NINL: variants seen among roughly 807,000 people sequenced by gnomAD.
NINL encodes the protein ninein like.
NINL carries 153 observed loss-of-function variants against 160.3 expected under a neutral mutation model. The ratio of observed to expected loss-of-function variants is 0.95; its 90% CI spans 0.84 to 1.09. NINL has a LOEUF of 1.09. Among genes scored for constraint, NINL ranks in the 50% least tolerant of loss-of-function variants. The pLI is 0.00. For missense variants in NINL, 1,829 were observed against 1,764.0 expected, an observed-to-expected ratio of 1.04 and a Z score of -0.66; for synonymous variants, 800 against 734.8, an observed-to-expected ratio of 1.09 and a Z score of -1.43.
Position 25,470,130 on chromosome 20 carries a change from TG to T in NINL, c.3249-36del, listed in dbSNP as rs777241831. 38 of 1,563,186 alleles carry T rather than the reference TG, an allele frequency of 2.4e-5. No individual in the cohort carries two copies. In the African/African-American group the frequency reaches 3.5e-4, roughly 14 times the overall value. ...AATTGAGAAAAGACCGGTGAGCACTTGGGGAGCCACATGTGGTCACGGAGGC... is the reference window on the plus strand; with the variant it reads ...AATTGAGAAAAGACCGGTGAGCACTTGGGAGCCACATGTGGTCACGGAGGC... On this transcript the variant is annotated intron_variant, in intron 17 of 23. Coordinates refer to ENST00000278886, the MANE Select transcript of NINL (RefSeq NM_025176.6).
chr20:25,502,785 G>A (rs1754474660), intron 7 of NINL, among the ~76,000 whole-genome samples: 1 of 152,082 alleles, frequency 6.6e-6, no homozygotes, highest in South Asian at 2.1e-4. Context: ...TGACCTGCCT[G>A]CACCCCTTCA....
chr20:25,556,638 TA>T (rs11478563), intron 1 of NINL, among the ~76,000 whole-genome samples: 63,798 of 151,430 alleles, frequency 0.42, 14,223 homozygotes, highest in East Asian at 0.91. Flanking sequence ...ATAAATTAAT[TA>T]GTAATTAAAT....
chr20:25,502,627 G>A (rs1341510749), intron 7 of NINL, among the ~76,000 whole-genome samples: 1 of 152,170 alleles, frequency 6.6e-6, no homozygotes, highest in Admixed American at 6.5e-5. Flanking sequence ...GGAGGTGACT[G>A]GATCTTGGAG....
Position 25,453,071 on chromosome 20 carries a change from C to T in NINL, c.*380G>A, listed in dbSNP as rs2090572120. Reference sequence around the variant, plus strand: ...GTGAAATGGCAAAACTGTACAGAGCCCTGACTTTACATTTCACTCTGACAG... The same window carrying T: ...GTGAAATGGCAAAACTGTACAGAGCTCTGACTTTACATTTCACTCTGACAG... On this transcript the variant is annotated 3_prime_UTR_variant, in exon 24 of 24. Transcript: ENST00000278886. The T allele has an allele frequency of 6.1e-6, 1 of 164,368 alleles. No homozygotes were observed. The highest frequency in any genetic ancestry group is 6.3e-5 in the Admixed American group (1 of 15,826). The allele number at this position is 164,368 out of a possible 1,614,324, so 10.2% of individuals were successfully genotyped here.
chr20:25,502,984 T>C (rs898585182), intron 7 of NINL, among the ~76,000 whole-genome samples: 5 of 152,242 alleles, frequency 3.3e-5, no homozygotes, highest in Non-Finnish European at 7.3e-5. Context: ...GCCCTCACCA[T>C]TCCACAATGG....
At chr20:25,528,946 C>A (rs916972621) in intron 1 of NINL, among the ~76,000 whole-genome samples, 1 of 152,198 alleles carries the variant, frequency 6.6e-6, no homozygotes, top group Non-Finnish European at 1.5e-5. Flanking sequence ...ATATAGATGT[C>A]GCTTTAATGT....
rs371890215 is a variant in NINL, at chr20:25,491,333, C to A, written c.1485+18G>T. 17 of 1,592,824 alleles carry A rather than the reference C, an allele frequency of 1.1e-5. No homozygotes were observed. The highest frequency in any genetic ancestry group is 1.5e-5 in the Non-Finnish European group (17 of 1,170,338). On this transcript the variant is annotated intron_variant, in intron 11 of 23. Transcript: ENST00000278886. Reference sequence around the variant, plus strand: ...AGGCACCCCCCCAGCTTCCTGGATGCCCTGGGGATGCCCCTACCTTCAGGG... The same window carrying A: ...AGGCACCCCCCCAGCTTCCTGGATGACCTGGGGATGCCCCTACCTTCAGGG...
At chr20:25,572,305 G>A (rs147421775) in intron 1 of NINL, among the ~76,000 whole-genome samples, 2 of 152,054 alleles carry the variant, frequency 1.3e-5, no homozygotes, top group Admixed American at 6.6e-5. Flanking sequence ...ACGGCCCCAG[G>A]AGATTTTCTT....
chr20:25,484,101 C>G (rs2063457582), intron 13 of NINL, among the ~76,000 whole-genome samples: 1 of 152,226 alleles, frequency 6.6e-6, no homozygotes, highest in Non-Finnish European at 1.5e-5. Context: ...AGGCCCCAGC[C>G]CACACGGCAC....
intron 1 of NINL, among the ~76,000 whole-genome samples, chr20:25,561,075 C>A (rs2064930082): frequency 6.7e-6 from 1 of 148,808 alleles, no homozygotes; most frequent in Non-Finnish European, 1.5e-5. Context: ...CACGGTCTCC[C>A]TCTCATGCCG....
Position 25,476,405 on chromosome 20 carries a change from C to A in NINL, c.2886G>T (p.Leu962=). The A allele has an allele frequency of 6.3e-7, 1 of 1,575,018 alleles. No homozygotes were observed. ...GTCCCCTGCACGAAGCGGCCGGCCTCAGGGGTGGCTCCCACATCCGTGGCT... is the reference window on the plus strand; with the variant it reads ...GTCCCCTGCACGAAGCGGCCGGCCTAAGGGGTGGCTCCCACATCCGTGGCT... ...QTQPRMWEPP[L]RPAASCRGQA... The change falls in exon 17 of 24, where the codon CTG becomes CTT. Residue 962 remains leucine, a synonymous_variant. Coordinates refer to ENST00000278886, the MANE Select transcript of NINL (RefSeq NM_025176.6).
rs927765629 is a variant in NINL at position 25,498,058 on chromosome 20, A to C, written c.1169+152T>G. On this transcript the variant is annotated intron_variant, in intron 9 of 23. Transcript: ENST00000278886. Reference sequence around the variant, plus strand: ...CGAGCGCCGGCTTGAGGGGCCAGAGAGCACGGGACAGACAGTGTGCAGAGC... The same window carrying C: ...CGAGCGCCGGCTTGAGGGGCCAGAGCGCACGGGACAGACAGTGTGCAGAGC... The C allele has an allele frequency of 1.9e-4, 176 of 930,830 alleles. No homozygotes were observed. The African/African-American group carries it at 2.6e-3, about 14-fold the overall frequency. 57.7% of individuals were successfully genotyped at this position (930,830 alleles called of 1,614,324 possible).
intron 1 of NINL, among the ~76,000 whole-genome samples, chr20:25,550,367 C>G (rs2064791933): frequency 6.6e-6 from 1 of 152,242 alleles, no homozygotes; most frequent in Admixed American, 6.5e-5. Context: ...CCCTCCACAC[C>G]TGTGGGTATT....
chr20:25,521,310 C>T (rs777554355), intron 2 of NINL, among the ~76,000 whole-genome samples: 6 of 152,194 alleles, frequency 3.9e-5, no homozygotes, highest in Non-Finnish European at 7.4e-5. Flanking sequence ...TGTTACTTCA[C>T]TTTTCAGAGT....
At position 25,500,864 on chromosome 20, in the gene NINL, A is replaced by AATCCCCT; in HGVS notation, c.1001_1007dup (p.Gln337GlyfsTer30). On this transcript the variant is annotated frameshift_variant, in exon 8 of 24. Transcript: ENST00000278886. LOFTEE classifies it high-confidence loss of function. The stretch of plus-strand genomic sequence containing the variant: ...CCTGCAAGATCTCCCTGCCATTCTG[A>AATCCCCT]ATCCCCTCCTGGGTCCACATGGCCA... 6.2e-7 allele frequency: 1 copy of AATCCCCT among 1,614,036 alleles called. No individual in the cohort carries two copies. Among genetic ancestry groups the AATCCCCT allele is most frequent in the Non-Finnish European group, 8.5e-7 (1 of 1,179,978 alleles).
chr20:25,511,515 G>A (rs1486485573), intron 4 of NINL, among the ~76,000 whole-genome samples: 1 of 152,204 alleles, frequency 6.6e-6, no homozygotes, highest in Non-Finnish European at 1.5e-5. Context: ...AGCTGGCACT[G>A]GCTCTGATCA....
chr20:25,503,396 G>C (rs1311257444), intron 7 of NINL, among the ~76,000 whole-genome samples: 1 of 132,734 alleles, frequency 7.5e-6, no homozygotes, highest in Non-Finnish European at 1.6e-5. Context: ...CACCTGAGCA[G>C]CACGTTCCTC....
chr20:25,551,233 C>T (rs1294387495), intron 1 of NINL, among the ~76,000 whole-genome samples: 1 of 152,170 alleles, frequency 6.6e-6, no homozygotes, highest in East Asian at 1.9e-4. Context: ...CATCTCAAGG[C>T]AGAAGAATTT....
chr20:25,518,821 G>C (rs2064209194), intron 2 of NINL, among the ~76,000 whole-genome samples: 1 of 151,416 alleles, frequency 6.6e-6, no homozygotes, highest in South Asian at 2.1e-4. Flanking sequence ...GTTATGGCCA[G>C]GCATGGTTGC....
Sources: allele counts gnomAD v4.1 joint callset (sites outside exome capture counted in the v4.1 genomes callset), GRCh38; gene constraint gnomAD v4.1.1; transcripts MANE v1.5; gene names NCBI Gene and HGNC (gene_info 2026-07-23, HGNC 2026-07-21).